SUSD4: variants seen among roughly 807,000 people sequenced by gnomAD.
SUSD4 encodes sushi domain containing 4.
A neutral mutation model predicts 50.5 loss-of-function variants in SUSD4; 41 were observed. The observed-to-expected ratio is 0.81, with a 90% CI of 0.63 to 1.05. SUSD4 has a LOEUF of 1.05. Among genes scored for constraint, SUSD4 ranks in the 50% least tolerant of loss-of-function variants. The probability of loss-of-function intolerance (pLI) is 0.00; values close to 1 mark genes in which losing one functional copy is unlikely to be tolerated. For synonymous variants in SUSD4, 257 were observed against 257.3 expected, an observed-to-expected ratio of 1.00 and a Z score of 0.01; for missense variants, 580 against 634.7, an observed-to-expected ratio of 0.91 and a Z score of 0.93.
chr1:223,246,691 G>T (rs929740133), intron 5 of SUSD4, among the ~76,000 whole-genome samples: 1 of 152,144 alleles, frequency 6.6e-6, no homozygotes, highest in Non-Finnish European at 1.5e-5. Flanking sequence ...GGCCAGGGTG[G>T]TGGAGATGTG....
intron 7 of SUSD4, among the ~76,000 whole-genome samples, chr1:223,225,883 A>T (rs576404381): frequency 1.9e-4 from 29 of 152,226 alleles, no homozygotes; most frequent in African/African-American, 6.5e-4. Flanking sequence ...CCTGGAGAAA[A>T]AAAGTCCATT....
chr1:223,226,163 C>G (rs968771328), intron 7 of SUSD4, among the ~76,000 whole-genome samples: 1 of 152,194 alleles, frequency 6.6e-6, no homozygotes, highest in East Asian at 1.9e-4. Flanking sequence ...TGTGGGTTGG[C>G]TTTCTCTTTG....
intron 3 of SUSD4, among the ~76,000 whole-genome samples, chr1:223,284,376 G>C (rs529039524): frequency 6.6e-6 from 1 of 152,108 alleles, no homozygotes; most frequent in Non-Finnish European, 1.5e-5. Flanking sequence ...TGTTTGGTCA[G>C]GTGAGATGAC....
chr1:223,222,285 T>C (rs373087252), intron 8 of SUSD4, 65 bp from the exon 9 acceptor site: 3 of 1,525,204 alleles, frequency 2.0e-6, no homozygotes, highest in Admixed American at 3.6e-5. Flanking sequence ...TCTGGAATTA[T>C]ATGCCTCATT....
At chr1:223,234,872 G>A (rs768493946) in intron 5 of SUSD4, 2 of 1,480,598 alleles carry the variant, frequency 1.4e-6, no homozygotes, top group Non-Finnish European at 1.8e-6. Context: ...ACTAACAGGT[G>A]TGCAGATCAT....
chr1:223,280,137 A>G (rs1558209991), intron 3 of SUSD4, among the ~76,000 whole-genome samples: 1 of 152,230 alleles, frequency 6.6e-6, no homozygotes, highest in Non-Finnish European at 1.5e-5. Context: ...AAAACATGAA[A>G]AATTGTAAAG....
chr1:223,303,603 G>T (rs190174650), intron 2 of SUSD4, among the ~76,000 whole-genome samples: 1 of 152,214 alleles, frequency 6.6e-6, no homozygotes, highest in Non-Finnish European at 1.5e-5. Context: ...TTCCCAGGTG[G>T]ATCGGCAGGT....
chr1:223,287,032 G>A (rs1311038173), intron 3 of SUSD4, among the ~76,000 whole-genome samples: 1 of 152,222 alleles, frequency 6.6e-6, no homozygotes, highest in Non-Finnish European at 1.5e-5. Context: ...TCAGAGCAAG[G>A]AAAACCATCC....
chr1:223,324,185 A>C (rs1295546683), intron 2 of SUSD4, among the ~76,000 whole-genome samples: 2 of 148,902 alleles, frequency 1.3e-5, no homozygotes, highest in Non-Finnish European at 3.0e-5. Flanking sequence ...GCATGCAGTA[A>C]ATGCTTATGA....
intron 2 of SUSD4, among the ~76,000 whole-genome samples, chr1:223,307,839 T>TA (rs1329251167): frequency 6.6e-6 from 1 of 152,208 alleles, no homozygotes; most frequent in African/African-American, 2.4e-5. Context: ...TTGTTTTTTT[T>TA]AAAGATTAGC....
At chr1:223,225,565 T>C (rs1223203945) in intron 7 of SUSD4, among the ~76,000 whole-genome samples, 1 of 150,426 alleles carries the variant, frequency 6.6e-6, no homozygotes, top group African/African-American at 2.5e-5. Flanking sequence ...CAGCCACCAG[T>C]AGTTACTGCT....
At chr1:223,311,503 TTGGCCCTTTTTATC>T (rs1486489828) in intron 2 of SUSD4, among the ~76,000 whole-genome samples, 1 of 152,238 alleles carries the variant, frequency 6.6e-6, no homozygotes, top group African/African-American at 2.4e-5. Context: ...CAGGGAGGTA[TTGGCCCTTTTTATC>T]TGCAGATTTC....
At chr1:223,362,170 T>C (rs1190233368) in intron 2 of SUSD4, among the ~76,000 whole-genome samples, 1 of 152,222 alleles carries the variant, frequency 6.6e-6, no homozygotes, top group Non-Finnish European at 1.5e-5. Flanking sequence ...GATGTCTAAG[T>C]GGAATGCCTG....
chr1:223,264,667 G>C lies in SUSD4; in HGVS notation c.687C>G (p.Ile229Met). 3.1e-6 allele frequency: 5 copies of C among 1,614,208 alleles called. No homozygotes were observed. The highest frequency in any genetic ancestry group is 4.2e-6 in the Non-Finnish European group (5 of 1,180,036). Reference sequence around the variant, plus strand: ...GGCACCGGGGTGGGCTGGACGACCAGATAAGGTTTTGTAAGCACTCAAGAT... The same window carrying C: ...GGCACCGGGGTGGGCTGGACGACCACATAAGGTTTTGTAAGCACTCAAGAT... Reference protein sequence around the residue: ...SAYLECLQNLIWSSSPPRCLA... With the variant: ...SAYLECLQNLMWSSSPPRCLA... The change falls in exon 5 of 9, where the codon ATC (isoleucine) becomes ATG (methionine). Residue 229 changes from isoleucine (I) to methionine (M), a missense_variant. Physicochemically the swap from Ile to Met is conservative, Grantham distance 10. Transcript: ENST00000366878.
rs780973283 is a variant in SUSD4 at position 223,223,433 on chromosome 1, C to T, written c.1260G>A (p.Thr420=). The T allele has an allele frequency of 2.1e-5, 34 of 1,613,820 alleles. No individual in the cohort carries two copies. The highest frequency in any genetic ancestry group is 8.8e-5 in the South Asian group (8 of 91,050). Residue 420 remains threonine, a synonymous_variant, in exon 8 of 9, where the codon ACG becomes ACA. Transcript: ENST00000366878. ...TTTCTGACTCCCCTGGGCCTGTGTC[C>T]GTGTCCCCTGAGCCGGGGTATGCTG... is the stretch of plus-strand genomic sequence containing the variant. The part of the protein sequence containing the change: ...SPPAYPGSGD[T]DTGPGESETC...
intron 2 of SUSD4, among the ~76,000 whole-genome samples, chr1:223,312,454 G>T (rs1010261367): frequency 6.6e-6 from 1 of 152,092 alleles, no homozygotes; most frequent in Non-Finnish European, 1.5e-5. Context: ...CCAAATCCTG[G>T]CTGCTAGGCA....
chr1:223,288,752 T>C (rs1484640932), intron 3 of SUSD4, among the ~76,000 whole-genome samples: 1 of 152,218 alleles, frequency 6.6e-6, no homozygotes, highest in African/African-American at 2.4e-5. Flanking sequence ...ATAATACTTA[T>C]TTATAATATA....
At chr1:223,236,524 A>G (rs1424638187) in intron 5 of SUSD4, among the ~76,000 whole-genome samples, 1 of 151,922 alleles carries the variant, frequency 6.6e-6, no homozygotes, top group African/African-American at 2.4e-5. Flanking sequence ...ATTTTATGGA[A>G]GAGTGTAAGG....
chr1:223,346,778 A>G lies in SUSD4; in HGVS notation c.148+16500T>C, dbSNP rs141108935. ...TGCCTGGTATGAACAAGTAATTGAT[A>G]AATGCTACCCATTAATATTATTACT... On this transcript the variant is annotated intron_variant, in intron 2 of 8. Coordinates refer to ENST00000366878, the MANE Select transcript of SUSD4 (RefSeq NM_017982.4). Among the ~76,000 whole-genome samples, 11 of 152,348 alleles carry G rather than the reference A, an allele frequency of 7.2e-5. No homozygotes were observed. In the East Asian group the frequency reaches 2.1e-3, roughly 29 times the overall value.
Sources: gnomAD v4.1 joint callset for allele counts (sites outside exome capture counted in the v4.1 genomes callset) on GRCh38, gnomAD v4.1.1 for gene constraint, MANE v1.5 for transcripts, NCBI Gene and HGNC (gene_info 2026-07-23, HGNC 2026-07-21) for gene names.